The following BCL11A variants were observed in gnomAD, a reference collection of about 807,000 sequenced individuals.
BCL11A encodes the protein BCL11 transcription factor A.
In BCL11A, 2 loss-of-function variants were observed where a neutral mutation model predicts 55.9. The ratio of observed to expected loss-of-function variants is 0.04; its 90% CI spans 0.01 to 0.11. The LOEUF (loss-of-function observed/expected upper bound fraction) is 0.11, where lower values mean the gene tolerates loss of function less well. Among genes scored for constraint, BCL11A ranks in the 10% least tolerant of loss-of-function variants. The probability of loss-of-function intolerance (pLI) is 1.00; values close to 1 mark genes in which losing one functional copy is unlikely to be tolerated. For synonymous variants in BCL11A, 465 were observed against 473.4 expected, an observed-to-expected ratio of 0.98 and a Z score of 0.23; for missense variants, 817 against 1,137.1, an observed-to-expected ratio of 0.72 and a Z score of 4.05.
intron 1 of BCL11A, among the ~76,000 whole-genome samples, chr2:60,547,887 C>T (rs1351927958): frequency 2.0e-5 from 3 of 152,162 alleles, no homozygotes. Context: ...AATTTCTAGC[C>T]TCTGGTACTC....
intron 2 of BCL11A, among the ~76,000 whole-genome samples, chr2:60,540,077 T>C (rs1669850012): frequency 6.6e-6 from 1 of 152,202 alleles, no homozygotes; most frequent in African/African-American, 2.4e-5. Context: ...AATTGATACA[T>C]AACATAAAAA....
chr2:60,500,278 G>C (rs761235050), intron 2 of BCL11A, among the ~76,000 whole-genome samples: 1 of 152,238 alleles, frequency 6.6e-6, no homozygotes, highest in Admixed American at 6.5e-5. Context: ...GTCAAGCCCA[G>C]GCGGGGAGGG....
chr2:60,478,972 T>TG (rs1677793495), intron 2 of BCL11A, among the ~76,000 whole-genome samples: 1 of 151,850 alleles, frequency 6.6e-6, no homozygotes, highest in South Asian at 2.1e-4. Flanking sequence ...TTTTTTGTTT[T>TG]TTTTTTTTCC....
chr2:60,546,801 G>C lies in BCL11A; in HGVS notation c.56-501C>G, dbSNP rs550926016. ...AGGTGAATAAACACACACACCCTTT[G>C]TGTGTGAATGTATATACTCCTAAGT... On this transcript the variant is annotated intron_variant, in intron 1 of 3. Coordinates refer to ENST00000642384, the MANE Select transcript of BCL11A (RefSeq NM_022893.4). This position sits in a 1 kb window ranked among gnomAD's most constrained non-coding sequence, Gnocchi z 4.1. Among the ~76,000 whole-genome samples the C allele has an allele frequency of 6.6e-6, 1 of 152,298 alleles. No homozygotes were observed. Among genetic ancestry groups the C allele is most frequent in the Admixed American group, 6.5e-5 (1 of 15,300 alleles).
intron 3 of BCL11A, among the ~76,000 whole-genome samples, chr2:60,467,150 G>GTGGTGGTGGTGGTGGTGA (rs1676696330): frequency 3.1e-5 from 3 of 97,078 alleles, no homozygotes; most frequent in Non-Finnish European, 6.2e-5. Flanking sequence ...GGTGGTGATG[G>GTGGTGGTGGTGGTGGTGA]TGGTGGTGGT....
At position 60,478,720 on chromosome 2, in the gene BCL11A, C is replaced by T. The variant is rs145018382; in HGVS notation, c.386-9887G>A. On this transcript the variant is annotated intron_variant, in intron 2 of 3. Transcript: ENST00000642384. ...TTCTTCAGGAATAAAACTAGGCTGC[C>T]CTCTCGCCTGAGGTGAGGCTGAATG... Among the ~76,000 whole-genome samples the T allele has an allele frequency of 2.6e-5, 4 of 152,360 alleles. No individual in the cohort carries two copies. The East Asian group carries it at 5.8e-4, about 22-fold the overall frequency.
In BCL11A at chr2:60,461,616, G is replaced by A. The variant is rs779035568; in HGVS notation, c.1296C>T (p.Ser432=). Residue 432 remains serine (S), a synonymous_variant, in exon 4 of 4, where the codon TCC becomes TCT. Coordinates refer to ENST00000642384, the MANE Select transcript of BCL11A (RefSeq NM_022893.4). ...CGTCGTCGGACTTGACCGTCATGGG[G>A]GACGATTTGTGCATGTGCGTCTTCA... ...RHMKTHMHKS[S]PMTVKSDDGL... The A allele has an allele frequency of 1.2e-6, 2 of 1,613,584 alleles. No homozygotes were observed. Among genetic ancestry groups the A allele is most frequent in the Admixed American group, 3.3e-5 (2 of 60,014 alleles).
chr2:60,477,370 A>C (rs1483038581), intron 2 of BCL11A, among the ~76,000 whole-genome samples: 1 of 152,206 alleles, frequency 6.6e-6, no homozygotes, highest in Admixed American at 6.5e-5. Flanking sequence ...ATCAACTCAC[A>C]ACAAATGTGC....
At chr2:60,490,259 C>G (rs1046715500) in intron 2 of BCL11A, among the ~76,000 whole-genome samples, 2 of 152,262 alleles carry the variant, frequency 1.3e-5, no homozygotes, top group Admixed American at 6.5e-5. Context: ...TCATCCACCC[C>G]CTTTGCAGAG....
At chr2:60,469,305 GT>G (rs776853749) in intron 2 of BCL11A, among the ~76,000 whole-genome samples, 76 of 152,238 alleles carry the variant, frequency 5.0e-4, no homozygotes, top group Non-Finnish European at 8.7e-4. Context: ...TTTGTGAATC[GT>G]TTTTTATGGG....
rs752874621 is a variant in BCL11A, at chr2:60,553,284, G to T, written c.-14C>A. The T allele has an allele frequency of 6.4e-7, 1 of 1,569,510 alleles. No individual in the cohort carries two copies. The highest frequency in any genetic ancestry group is 1.2e-5 in the South Asian group (1 of 85,092). ...GCGGCGAGACATGGTGGGCTGCGGGGCGGGCGGCGGCGGCGGCGGCGGCGG... is the reference window on the plus strand; with the variant it reads ...GCGGCGAGACATGGTGGGCTGCGGGTCGGGCGGCGGCGGCGGCGGCGGCGG... On this transcript the variant is annotated 5_prime_UTR_variant, in exon 1 of 4. Transcript: ENST00000642384.
At chr2:60,523,191 A>C (rs532833532) in intron 2 of BCL11A, among the ~76,000 whole-genome samples, 1 of 152,344 alleles carries the variant, frequency 6.6e-6, no homozygotes, top group African/African-American at 2.4e-5. Context: ...TAAAGAAGGG[A>C]GATTTCAAGG....
At chr2:60,494,876 A>G (rs1331442547) in intron 2 of BCL11A, among the ~76,000 whole-genome samples, 1 of 152,186 alleles carries the variant, frequency 6.6e-6, no homozygotes, top group East Asian at 1.9e-4. Flanking sequence ...GAAAAGGGAA[A>G]AGGGAGAGGA....
intron 2 of BCL11A, among the ~76,000 whole-genome samples, chr2:60,538,733 CTCTCTCTG>C (rs1362555534): frequency 0.019 from 1,207 of 64,296 alleles, 12 homozygotes; most frequent in African/African-American, 0.045. Flanking sequence ...CTCTCTCTCT[CTCTCTCTG>C]TGTGTGTGTG....
intron 2 of BCL11A, among the ~76,000 whole-genome samples, chr2:60,509,849 GT>G (rs1339486679): frequency 6.6e-6 from 1 of 152,158 alleles, no homozygotes; most frequent in African/African-American, 2.4e-5. Flanking sequence ...TCCTGAAGTG[GT>G]GAAGGAGCCC....
chr2:60,452,347 TCA>T, downstream of BCL11A: 1 of 476,602 alleles, frequency 2.1e-6, no homozygotes, highest in Non-Finnish European at 3.8e-6. Context: ...TGGGACTGAT[TCA>T]CTGTTCCAAT....
Position 60,459,061 on chromosome 2 carries a change from T to C in BCL11A, c.*1343A>G, listed in dbSNP as rs929325691. 2.0e-6 allele frequency: 2 copies of C among 1,015,014 alleles called. No homozygotes were observed. Among genetic ancestry groups the C allele is most frequent in the African/African-American group, 3.4e-5 (2 of 58,628 alleles). 62.9% of individuals were successfully genotyped at this position (1,015,014 alleles called of 1,614,324 possible). On this transcript the variant is annotated 3_prime_UTR_variant, in exon 4 of 4. Transcript: ENST00000642384. ...TTAAGAATTCATAGTTAATCATCAT[T>C]GTATCAATATTAGCTTATATACCTG...
intron 2 of BCL11A, among the ~76,000 whole-genome samples, chr2:60,496,003 A>G (rs1678926418): frequency 6.6e-6 from 1 of 152,234 alleles, no homozygotes; most frequent in South Asian, 2.1e-4. Context: ...AGCTCTGGAA[A>G]AGAGAACAAA....
intron 2 of BCL11A, chr2:60,532,965 C>G (rs1669523876): frequency 6.6e-6 from 1 of 152,110 alleles, no homozygotes; most frequent in Admixed American, 6.5e-5. Flanking sequence ...TATTTGTGTA[C>G]TTGACATTTA....
Sources: allele counts gnomAD v4.1 joint callset (sites outside exome capture counted in the v4.1 genomes callset), GRCh38; gene constraint gnomAD v4.1.1; non-coding constraint Gnocchi (gnomAD v3.1); transcripts MANE v1.5; gene names NCBI Gene and HGNC (gene_info 2026-07-23, HGNC 2026-07-21).